Variants in RALY observed in about 807,000 individuals in gnomAD.
RALY encodes the protein RNA-binding protein Raly.
In RALY, 15 loss-of-function variants were observed where a neutral mutation model predicts 30.7. The ratio of observed to expected loss-of-function variants is 0.49; its 90% CI spans 0.33 to 0.75. The LOEUF (loss-of-function observed/expected upper bound fraction) is 0.75. RALY is among the 30% of genes least tolerant of loss of function. RALY has a pLI of 0.02. For missense variants in RALY, 339 were observed against 414.3 expected (o/e 0.82, Z 1.58); for synonymous variants, 177 against 170.8 (o/e 1.04, Z -0.28).
At chr20:34,004,915 G>T (rs1333578002) in intron 1 of RALY, among the ~76,000 whole-genome samples, 2 of 152,152 alleles carry the variant, frequency 1.3e-5, no homozygotes. Flanking sequence ...TTTATTTTGT[G>T]TAGTTTTACC....
intron 2 of RALY, among the ~76,000 whole-genome samples, chr20:34,032,254 C>T (rs1423723102): frequency 1.3e-5 from 2 of 152,204 alleles, no homozygotes; most frequent in African/African-American, 2.4e-5. Flanking sequence ...TGAGCCACCG[C>T]GCCCGGCCCC....
chr20:34,040,288 G>C (rs1263121912), intron 2 of RALY, among the ~76,000 whole-genome samples: 1 of 152,136 alleles, frequency 6.6e-6, no homozygotes, highest in Non-Finnish European at 1.5e-5. Context: ...GCCAAGGTCA[G>C]TTGTGCCCAT....
At chr20:33,999,466 G>C (rs2030807715) in intron 1 of RALY, among the ~76,000 whole-genome samples, 1 of 152,194 alleles carries the variant, frequency 6.6e-6, no homozygotes, top group Non-Finnish European at 1.5e-5. Context: ...TTTAGGAAGA[G>C]AGGAGATATT....
At chr20:34,074,153 T>C (rs2033809131) in intron 5 of RALY, among the ~76,000 whole-genome samples, 1 of 152,174 alleles carries the variant, frequency 6.6e-6, no homozygotes, top group Non-Finnish European at 1.5e-5. Flanking sequence ...GCTATGTAAG[T>C]GTGGCTAGTT....
In RALY at chr20:34,082,106, T is replaced by A. The variant is rs759539877; in HGVS notation, c.*2201T>A. 7 of 152,314 alleles carry A rather than the reference T, an allele frequency of 4.6e-5. No homozygotes were observed. The highest frequency in any genetic ancestry group is 7.3e-5 in the Non-Finnish European group (5 of 68,122). 9.4% of individuals were successfully genotyped at this position (152,314 alleles called of 1,614,324 possible). A position where few individuals can be genotyped will look rare whatever the true frequency, so the allele number is the denominator to read the frequency against. Reference sequence around the variant, plus strand: ...AGGGTGTACAGAGGAAGGGGCTAGGTCTGCAAGGAGTGCCTCATCTCCCTG... The same window carrying A: ...AGGGTGTACAGAGGAAGGGGCTAGGACTGCAAGGAGTGCCTCATCTCCCTG... On this transcript the variant is annotated 3_prime_UTR_variant, in exon 10 of 10. Coordinates refer to ENST00000246194, the MANE Select transcript of RALY (RefSeq NM_016732.3).
At chr20:34,053,805 TG>T (rs2033157066) in intron 2 of RALY, among the ~76,000 whole-genome samples, 1 of 152,152 alleles carries the variant, frequency 6.6e-6, no homozygotes, top group Admixed American at 6.5e-5. Context: ...GTGGGGCCAG[TG>T]GTTGGGCTTC....
chr20:34,021,205 A>G (rs1443820692), intron 1 of RALY, among the ~76,000 whole-genome samples: 3 of 152,050 alleles, frequency 2.0e-5, no homozygotes, highest in African/African-American at 7.2e-5. Context: ...CAAGTGATCT[A>G]CCTGCCTGGA....
chr20:34,000,677 G>C (rs1377183238), intron 1 of RALY, among the ~76,000 whole-genome samples: 2 of 152,170 alleles, frequency 1.3e-5, no homozygotes, highest in Non-Finnish European at 2.9e-5. Context: ...TCTATTCTGG[G>C]GTTGGGGTAG....
intron 1 of RALY, among the ~76,000 whole-genome samples, chr20:33,998,666 G>A (rs1194124128): frequency 2.0e-5 from 3 of 152,062 alleles, no homozygotes; most frequent in Non-Finnish European, 4.4e-5. Context: ...GAGGTGAGGG[G>A]GCCATGATTC....
chr20:34,041,684 C>T (rs958275952), intron 2 of RALY, among the ~76,000 whole-genome samples: 2 of 152,152 alleles, frequency 1.3e-5, no homozygotes, highest in Non-Finnish European at 2.9e-5. Context: ...TTTTTTGTTT[C>T]TGTATTTTCC....
intron 2 of RALY, among the ~76,000 whole-genome samples, chr20:34,053,909 G>C (rs1009264041): frequency 6.6e-6 from 1 of 152,042 alleles, no homozygotes; most frequent in Admixed American, 6.5e-5. Context: ...GGCCTTTGCT[G>C]CTGTCCTTAT....
intron 1 of RALY, among the ~76,000 whole-genome samples, chr20:33,998,714 C>G (rs1008186090): frequency 2.0e-5 from 3 of 152,138 alleles, no homozygotes; most frequent in Admixed American, 2.0e-4. Context: ...GCTGCCTGTT[C>G]AGGAGCGGAC....
intron 2 of RALY, among the ~76,000 whole-genome samples, chr20:34,047,223 C>T (rs1352887243): frequency 6.6e-6 from 1 of 152,168 alleles, no homozygotes; most frequent in Non-Finnish European, 1.5e-5. Flanking sequence ...GAAAATGTGT[C>T]TTTGTTGAAT....
chr20:34,055,264 A>G (rs1481578195), intron 2 of RALY, among the ~76,000 whole-genome samples: 4 of 152,316 alleles, frequency 2.6e-5, no homozygotes, highest in East Asian at 1.9e-4. Flanking sequence ...ATACTTAGCA[A>G]TGTATCTTCC....
At chr20:34,018,994 A>T (rs1438293092) in intron 1 of RALY, among the ~76,000 whole-genome samples, 1 of 152,086 alleles carries the variant, frequency 6.6e-6, no homozygotes, top group African/African-American at 2.4e-5. Flanking sequence ...AGTATTTAGG[A>T]TACAGTTTGA....
At chr20:34,047,958 C>G (rs942619795) in intron 2 of RALY, among the ~76,000 whole-genome samples, 2 of 152,126 alleles carry the variant, frequency 1.3e-5, no homozygotes, top group East Asian at 3.9e-4. Context: ...AAGTTCAGAC[C>G]CCAGAAATGT....
intron 8 of RALY, among the ~76,000 whole-genome samples, chr20:34,078,170 A>G (rs1427137069): frequency 2.0e-5 from 3 of 152,220 alleles, no homozygotes; most frequent in African/African-American, 7.2e-5. Flanking sequence ...TAAAGGCCCT[A>G]ACAAAGACTT....
At chr20:34,056,253 C>T (rs539542752) in intron 2 of RALY, among the ~76,000 whole-genome samples, 1 of 152,298 alleles carries the variant, frequency 6.6e-6, no homozygotes, top group Non-Finnish European at 1.5e-5. Flanking sequence ...TATGCTATTT[C>T]CTCTTAAATG....
intron 2 of RALY, among the ~76,000 whole-genome samples, chr20:34,040,151 C>CA (rs2032646600): frequency 6.6e-6 from 1 of 151,802 alleles, no homozygotes; most frequent in South Asian, 2.1e-4. Flanking sequence ...ATTCAGCACA[C>CA]AGAGAATTAT....
Sources: gnomAD v4.1 joint callset for allele counts (sites outside exome capture counted in the v4.1 genomes callset) on GRCh38, gnomAD v4.1.1 for gene constraint, MANE v1.5 for transcripts, NCBI Gene and HGNC (gene_info 2026-07-23, HGNC 2026-07-21) for gene names.